TRMT11: variants seen among roughly 807,000 people sequenced by gnomAD.
TRMT11 encodes tRNA (guanine(10)-N(2))-methyltransferase TRMT11.
Under a neutral mutation model 62.8 loss-of-function variants are expected in TRMT11, and 53 were observed. That is an observed-to-expected ratio of 0.84 (90% CI 0.68 to 1.06). TRMT11 has a LOEUF of 1.06. TRMT11 is among the 50% of genes least tolerant of loss of function. TRMT11 has a pLI of 0.00. For synonymous variants in TRMT11, 188 were observed against 190.3 expected (o/e 0.99, Z 0.10); for missense variants, 556 against 553.4 (o/e 1.00, Z -0.05).
At position 126,146,634 on chromosome 6, in the gene TRMT11, C is replaced by T. The variant is rs370562772; in HGVS notation, c.*1824-28191C>T. Reference sequence around the variant, plus strand: ...CCAGGTTCAAGCAATTGTCCTGCCTCAGCTCCCGAGTAGCTGGGATTACAG... The same window carrying T: ...CCAGGTTCAAGCAATTGTCCTGCCTTAGCTCCCGAGTAGCTGGGATTACAG... On this transcript the variant is annotated intron_variant and NMD_transcript_variant, in intron 21 of 22. Coordinates refer to the TRMT11 transcript ENST00000648977. Among the ~76,000 whole-genome samples, 172 of 152,086 alleles carry T rather than the reference C, an allele frequency of 1.1e-3. 5 individuals carry two copies. The South Asian group carries it at 0.034, about 30-fold the overall frequency.
intron 21 of TRMT11, among the ~76,000 whole-genome samples, chr6:126,150,954 T>C (rs1778031884): frequency 1.3e-5 from 2 of 152,190 alleles, no homozygotes; most frequent in Non-Finnish European, 2.9e-5. Context: ...CTTTGAGTGA[T>C]AGAGCTATTA....
At chr6:126,138,765 G>A (rs1420835701) in intron 21 of TRMT11, among the ~76,000 whole-genome samples, 1 of 152,014 alleles carries the variant, frequency 6.6e-6, no homozygotes, top group Non-Finnish European at 1.5e-5. Context: ...AAAAAATTTA[G>A]TTATAATCTT....
intron 12 of TRMT11, 36 bp from the exon 13 acceptor site, chr6:126,038,669 A>C: frequency 3.9e-6 from 6 of 1,531,826 alleles, no homozygotes; most frequent in Non-Finnish European, 5.2e-6. Context: ...TAACTAAAGA[A>C]ATAATTTTTA....
intron 12 of TRMT11, among the ~76,000 whole-genome samples, chr6:126,038,437 CAAAAAAA>C (rs72178194): frequency 2.3e-5 from 3 of 129,262 alleles, no homozygotes; most frequent in South Asian, 2.4e-4. Flanking sequence ...TGCCCTGAGG[CAAAAAAA>C]AAAAAAAAAG....
downstream of TRMT11, among the ~76,000 whole-genome samples, chr6:126,040,379 C>G (rs1474864716): frequency 6.6e-6 from 1 of 152,030 alleles, no homozygotes; most frequent in Non-Finnish European, 1.5e-5. Context: ...GTTTCCCATT[C>G]CTGAAATGTC....
chr6:126,245,054 CAT>C, the TRMT11 span, among the ~76,000 whole-genome samples: 1 of 152,158 alleles, frequency 6.6e-6, no homozygotes, highest in African/African-American at 2.4e-5. Flanking sequence ...TAAAGGTTGA[CAT>C]ATGATTTCCA....
At chr6:126,251,786 T>A in the TRMT11 span, among the ~76,000 whole-genome samples, 2 of 152,208 alleles carry the variant, frequency 1.3e-5, no homozygotes, top group African/African-American at 4.8e-5. Context: ...TTGCCCTCTA[T>A]CCTCTGTTCT....
At chr6:126,223,443 C>G in the TRMT11 span, among the ~76,000 whole-genome samples, 2 of 151,824 alleles carry the variant, frequency 1.3e-5, no homozygotes, top group Non-Finnish European at 2.9e-5. Context: ...CAAAACAAAA[C>G]AAAACAAAAC....
chr6:126,165,277 CAA>C (rs764649605), intron 21 of TRMT11, among the ~76,000 whole-genome samples: 17 of 134,684 alleles, frequency 1.3e-4, no homozygotes, highest in African/African-American at 2.5e-4. Flanking sequence ...GACCGTGCCT[CAA>C]AAAAAAAAAA....
At chr6:126,039,285 TA>T (rs1318120886), downstream of TRMT11, 1 of 152,660 alleles carries the variant, frequency 6.6e-6, no homozygotes, top group Non-Finnish European at 1.5e-5. Context: ...AATTGTGTCA[TA>T]TCTAGTTGTC....
intron 17 of TRMT11, among the ~76,000 whole-genome samples, chr6:126,069,425 G>C (rs1028129547): frequency 3.3e-5 from 5 of 151,770 alleles, no homozygotes; most frequent in African/African-American, 1.2e-4. Context: ...TAATCATTTT[G>C]GTGTCTCTGG....
chr6:125,987,007 G>A (rs967235209), intron 1 of TRMT11: 3 of 222,406 alleles, frequency 1.3e-5, no homozygotes, highest in Non-Finnish European at 2.6e-5. Flanking sequence ...AGGGGATGGT[G>A]GTGGGGATTA....
intron 1 of TRMT11, among the ~76,000 whole-genome samples, chr6:126,194,107 T>A (rs1778637314): frequency 6.6e-6 from 1 of 152,192 alleles, no homozygotes; most frequent in Admixed American, 6.5e-5. Flanking sequence ...TCCTGGAGAA[T>A]GTTCCATGTG....
At chr6:126,184,348 A>G (rs532471135) in intron 1 of TRMT11, among the ~76,000 whole-genome samples, 1 of 152,316 alleles carries the variant, frequency 6.6e-6, no homozygotes, top group Admixed American at 6.5e-5. Flanking sequence ...AATATTGGTC[A>G]CTGACTGGCT....
At chr6:126,118,765 A>G (rs1777616713) in intron 21 of TRMT11, among the ~76,000 whole-genome samples, 1 of 152,098 alleles carries the variant, frequency 6.6e-6, no homozygotes, top group Non-Finnish European at 1.5e-5. Context: ...TAGAAATTTC[A>G]GCTATTAAGA....
chr6:126,212,376 A>T, the TRMT11 span, among the ~76,000 whole-genome samples: 1 of 152,110 alleles, frequency 6.6e-6, no homozygotes, highest in Non-Finnish European at 1.5e-5. Flanking sequence ...GTACTAATTT[A>T]CATTTCCTCC....
At chr6:126,075,815 A>G (rs540212482) in intron 17 of TRMT11, among the ~76,000 whole-genome samples, 31 of 152,142 alleles carry the variant, frequency 2.0e-4, no homozygotes, top group African/African-American at 7.5e-4. Context: ...TTGTCCATCC[A>G]TCTGGACCAT....
At chr6:126,246,721 T>G in the TRMT11 span, among the ~76,000 whole-genome samples, 1 of 152,156 alleles carries the variant, frequency 6.6e-6, no homozygotes, top group African/African-American at 2.4e-5. Flanking sequence ...AACTTTGAGG[T>G]TGAGGGAGTA....
chr6:126,056,734 A>G (rs1319740375), intron 17 of TRMT11, among the ~76,000 whole-genome samples: 1 of 152,198 alleles, frequency 6.6e-6, no homozygotes, highest in African/African-American at 2.4e-5. Context: ...CATTTACTTC[A>G]GAGGAAGTTT....
Sources: gnomAD v4.1 joint callset for allele counts (sites outside exome capture counted in the v4.1 genomes callset) on GRCh38, gnomAD v4.1.1 for gene constraint, MANE v1.5 for transcripts, NCBI Gene and HGNC (gene_info 2026-07-23, HGNC 2026-07-21) for gene names.